MSI2: variants seen among roughly 807,000 people sequenced by gnomAD.
The protein encoded by MSI2 is musashi RNA binding protein 2.
MSI2 carries 17 observed loss-of-function variants against 45.6 expected under a neutral mutation model. That is an observed-to-expected ratio of 0.37 (90% CI 0.26 to 0.56). The LOEUF (loss-of-function observed/expected upper bound fraction) is 0.56. Ranked by LOEUF, MSI2 falls within the 20% of genes least tolerant of loss-of-function variation. The pLI is 0.77. For synonymous variants in MSI2, 156 were observed against 158.2 expected, an observed-to-expected ratio of 0.99 and a Z score of 0.11; for missense variants, 293 against 444.2, an observed-to-expected ratio of 0.66 and a Z score of 3.06.
intron 6 of MSI2, chr17:57,449,559 C>T (rs1027468464): frequency 6.6e-6 from 1 of 152,152 alleles, no homozygotes; most frequent in African/African-American, 2.4e-5. Context: ...ATCGTAGACA[C>T]ATAGGTTATG....
intron 7 of MSI2, among the ~76,000 whole-genome samples, chr17:57,568,633 ATTCTT>A (rs2087796807): frequency 6.6e-6 from 1 of 152,168 alleles, no homozygotes. Context: ...TTCCCTATTG[ATTCTT>A]TTTCCTGATA....
At chr17:57,328,754 A>G (rs1446156238) in intron 5 of MSI2, among the ~76,000 whole-genome samples, 1 of 148,100 alleles carries the variant, frequency 6.8e-6, no homozygotes, top group Non-Finnish European at 1.5e-5. Flanking sequence ...TTTTAAACCC[A>G]CTTGTTTGAT....
intron 6 of MSI2, among the ~76,000 whole-genome samples, chr17:57,516,351 G>A (rs748194394): frequency 1.1e-4 from 16 of 152,146 alleles, no homozygotes; most frequent in Non-Finnish European, 1.8e-4. Flanking sequence ...CCTCTGGTCA[G>A]TTGTGCACCA....
intron 6 of MSI2, among the ~76,000 whole-genome samples, chr17:57,443,391 G>A (rs1393220522): frequency 5.9e-5 from 9 of 152,296 alleles, no homozygotes; most frequent in East Asian, 1.9e-4. Flanking sequence ...CAGCTGTGCC[G>A]GGCACACGTG....
chr17:57,306,773 T>A (rs1408997255), intron 5 of MSI2, among the ~76,000 whole-genome samples: 1 of 152,176 alleles, frequency 6.6e-6, no homozygotes, highest in African/African-American at 2.4e-5. Context: ...GAGTTGGAGT[T>A]TCGCTCTTGT....
At chr17:57,500,963 GAAA>G (rs568851594) in intron 6 of MSI2, among the ~76,000 whole-genome samples, 1 of 141,992 alleles carries the variant, frequency 7.0e-6, no homozygotes, top group African/African-American at 2.6e-5. Context: ...ACCCTGTCTT[GAAA>G]AAAAAAAAAA....
At chr17:57,619,842 G>A (rs1239156796) in intron 9 of MSI2, among the ~76,000 whole-genome samples, 1 of 152,242 alleles carries the variant, frequency 6.6e-6, no homozygotes, top group Non-Finnish European at 1.5e-5. Context: ...CACAGTTCAA[G>A]TTATGACTTC....
intron 10 of MSI2, chr17:57,632,241 A>C: frequency 9.1e-7 from 1 of 1,093,378 alleles, no homozygotes; most frequent in Non-Finnish European, 1.1e-6. Context: ...CTGGTGGTCC[A>C]GAGGGGTTGC....
the MSI2 span, among the ~76,000 whole-genome samples, chr17:57,697,114 C>A: frequency 6.6e-6 from 1 of 151,080 alleles, no homozygotes; most frequent in South Asian, 2.1e-4. Context: ...CCCACCCCAT[C>A]AACAGCCTGT....
intron 5 of MSI2, among the ~76,000 whole-genome samples, chr17:57,283,610 C>T (rs1909611621): frequency 1.3e-5 from 2 of 152,236 alleles, no homozygotes; most frequent in Admixed American, 6.5e-5. Flanking sequence ...CAACTAGAAA[C>T]AATACTGAAA....
intron 7 of MSI2, among the ~76,000 whole-genome samples, chr17:57,536,384 G>A (rs1316620304): frequency 6.6e-6 from 1 of 152,234 alleles, no homozygotes; most frequent in Non-Finnish European, 1.5e-5. Flanking sequence ...GGAGGGAGTA[G>A]AAAGTATGAT....
intron 6 of MSI2, among the ~76,000 whole-genome samples, chr17:57,525,182 A>T (rs2086671083): frequency 6.6e-6 from 1 of 152,212 alleles, no homozygotes; most frequent in African/African-American, 2.4e-5. Context: ...AGTAGTCAGA[A>T]ATATGTTCAA....
chr17:57,604,357 G>C (rs1162254622), intron 8 of MSI2, among the ~76,000 whole-genome samples: 1 of 152,140 alleles, frequency 6.6e-6, no homozygotes, highest in African/African-American at 2.4e-5. Context: ...CAAATAAAGA[G>C]TTAGCAGGTA....
intron 6 of MSI2, among the ~76,000 whole-genome samples, chr17:57,499,051 C>T (rs991542074): frequency 2.0e-5 from 3 of 151,888 alleles, no homozygotes; most frequent in Non-Finnish European, 2.9e-5. Context: ...TAACACCATC[C>T]ATTTGGTGAC....
intron 5 of MSI2, among the ~76,000 whole-genome samples, chr17:57,367,659 G>A (rs959131946): frequency 2.0e-5 from 3 of 152,174 alleles, no homozygotes; most frequent in African/African-American, 4.8e-5. Flanking sequence ...GAAAATCAGA[G>A]CATCTTAAAT....
intron 5 of MSI2, among the ~76,000 whole-genome samples, chr17:57,388,361 G>T (rs1450939835): frequency 6.6e-6 from 1 of 152,222 alleles, no homozygotes; most frequent in Non-Finnish European, 1.5e-5. Context: ...TTAACAGATG[G>T]CTGAGTGTAT....
chr17:57,544,549 G>A (rs2087122650), intron 7 of MSI2, among the ~76,000 whole-genome samples: 1 of 152,188 alleles, frequency 6.6e-6, no homozygotes, highest in Non-Finnish European at 1.5e-5. Flanking sequence ...GAAGAGGAGA[G>A]CAGCTGGGGT....
intron 6 of MSI2, among the ~76,000 whole-genome samples, chr17:57,404,290 T>C (rs1383044087): frequency 1.3e-5 from 2 of 152,156 alleles, no homozygotes; most frequent in East Asian, 3.9e-4. Context: ...GCATCTGAAC[T>C]CTGCACCCTG....
intron 6 of MSI2, among the ~76,000 whole-genome samples, chr17:57,456,457 G>A (rs747993538): frequency 5.3e-5 from 8 of 152,190 alleles, no homozygotes; most frequent in African/African-American, 7.2e-5. Flanking sequence ...TTAGTGGGGC[G>A]TGGTGGCAGG....
Sources: gnomAD v4.1 joint callset for allele counts (sites outside exome capture counted in the v4.1 genomes callset) on GRCh38, gnomAD v4.1.1 for gene constraint, MANE v1.5 for transcripts, NCBI Gene and HGNC (gene_info 2026-07-23, HGNC 2026-07-21) for gene names.